EIF4G3: variants seen among roughly 807,000 people sequenced by gnomAD.
The protein encoded by EIF4G3 is eukaryotic translation initiation factor 4 gamma 3.
EIF4G3 carries 34 observed loss-of-function variants against 186.4 expected under a neutral mutation model. That is an observed-to-expected ratio of 0.18 (90% CI 0.14 to 0.24). The LOEUF is 0.24. Ranked by LOEUF, EIF4G3 falls within the 10% of genes least tolerant of loss-of-function variation. The pLI, the probability that EIF4G3 is intolerant of heterozygous loss-of-function variation, is 1.00. For synonymous variants in EIF4G3, 673 were observed against 679.5 expected, an observed-to-expected ratio of 0.99 and a Z score of 0.15; for missense variants, 1,536 against 1,948.5, an observed-to-expected ratio of 0.79 and a Z score of 3.99.
chr1:20,844,793 C>T (rs2070163856), intron 29 of EIF4G3, among the ~76,000 whole-genome samples: 1 of 152,082 alleles, frequency 6.6e-6, no homozygotes, highest in Admixed American at 6.5e-5. Flanking sequence ...GATTGCGCCA[C>T]TGCACTCCAG....
At chr1:21,165,703 TCAAA>T (rs1426559460) in intron 2 of EIF4G3, among the ~76,000 whole-genome samples, 2 of 151,728 alleles carry the variant, frequency 1.3e-5, no homozygotes, top group African/African-American at 4.8e-5. Flanking sequence ...TCATGGGGAG[TCAAA>T]CAGGTTCCTT....
chr1:20,922,328 G>T (rs755131985), intron 14 of EIF4G3, among the ~76,000 whole-genome samples: 10 of 151,680 alleles, frequency 6.6e-5, no homozygotes, highest in Non-Finnish European at 1.3e-4. Flanking sequence ...TTTTGAAAAG[G>T]AGTTTTGCTC....
At chr1:20,814,558 CTACT>C (rs2059970429) in intron 34 of EIF4G3, among the ~76,000 whole-genome samples, 1 of 152,192 alleles carries the variant, frequency 6.6e-6, no homozygotes, top group South Asian at 2.1e-4. Flanking sequence ...ATTTTAATGA[CTACT>C]TACTCAGAAG....
chr1:21,027,741 C>A (rs2092319679), intron 4 of EIF4G3, among the ~76,000 whole-genome samples: 1 of 152,062 alleles, frequency 6.6e-6, no homozygotes, highest in South Asian at 2.1e-4. Context: ...GGCATTTTCA[C>A]AAAAAATAGG....
chr1:21,063,427 GAC>G (rs2095037790), intron 3 of EIF4G3, among the ~76,000 whole-genome samples: 1 of 152,120 alleles, frequency 6.6e-6, no homozygotes, highest in Admixed American at 6.5e-5. Context: ...GAAACTATGT[GAC>G]AGTTGTTTGA....
At chr1:20,985,282 C>T (rs2079198389) in intron 7 of EIF4G3, among the ~76,000 whole-genome samples, 1 of 152,178 alleles carries the variant, frequency 6.6e-6, no homozygotes, top group Non-Finnish European at 1.5e-5. Context: ...CTTCTACCTA[C>T]ACAACTCCAA....
At chr1:20,976,026 T>G (rs1355530145) in intron 10 of EIF4G3, among the ~76,000 whole-genome samples, 6 of 152,068 alleles carry the variant, frequency 3.9e-5, no homozygotes, top group Middle Eastern at 3.2e-3. Context: ...CTGATCCCAG[T>G]TCTAAATCAG....
intron 2 of EIF4G3, among the ~76,000 whole-genome samples, chr1:21,119,334 AG>A (rs1420826215): frequency 6.6e-6 from 1 of 152,122 alleles, no homozygotes; most frequent in African/African-American, 2.4e-5. Context: ...GAAAAAAAAA[AG>A]ACTTGAGAAA....
chr1:20,843,500 C>T (rs1482236664), intron 29 of EIF4G3, among the ~76,000 whole-genome samples: 3 of 151,648 alleles, frequency 2.0e-5, no homozygotes, highest in Non-Finnish European at 4.4e-5. Flanking sequence ...CTGGGCGACA[C>T]GGTGAGACTC....
chr1:20,893,501 G>C lies in EIF4G3; in HGVS notation c.2253+16C>G. 4 of 1,583,066 alleles carry C rather than the reference G, an allele frequency of 2.5e-6. No individual in the cohort carries two copies. The highest frequency in any genetic ancestry group is 3.5e-6 in the Non-Finnish European group (4 of 1,157,422). On this transcript the variant is annotated intron_variant, in intron 18 of 36. Coordinates refer to ENST00000602326, the MANE Select transcript of EIF4G3 (RefSeq NM_001391906.1). The stretch of plus-strand genomic sequence containing the variant: ...CCAGTGTCTAACTAAGTGAGTTGTA[G>C]GGAACTTGCACTTACAGGTACGCCT...
chr1:20,836,102 T>C (rs922366253), intron 30 of EIF4G3, among the ~76,000 whole-genome samples: 2 of 152,154 alleles, frequency 1.3e-5, no homozygotes, highest in African/African-American at 4.8e-5. Flanking sequence ...CTACCTCAGC[T>C]TCCTGAGTAG....
chr1:20,974,097 A>C (rs971679974), intron 10 of EIF4G3, among the ~76,000 whole-genome samples: 5 of 152,190 alleles, frequency 3.3e-5, no homozygotes, highest in Non-Finnish European at 7.3e-5. Flanking sequence ...TTGGGGCAGA[A>C]AAATCAAGAG....
At chr1:20,856,352 T>A (rs1356519610) in intron 25 of EIF4G3, among the ~76,000 whole-genome samples, 1 of 152,258 alleles carries the variant, frequency 6.6e-6, no homozygotes, top group Non-Finnish European at 1.5e-5. Context: ...TAGTTTTGAT[T>A]GTCTTCAGTA....
intron 4 of EIF4G3, among the ~76,000 whole-genome samples, chr1:21,049,650 T>C (rs2094101804): frequency 6.6e-6 from 1 of 152,170 alleles, no homozygotes. Context: ...GTCTAAAATA[T>C]AATTAATCAG....
Position 20,923,526 on chromosome 1 carries a change from T to C in EIF4G3, c.1663+17965A>G, listed in dbSNP as rs72652969. Among the ~76,000 whole-genome samples the C allele has an allele frequency of 7.0e-3, 1,061 of 152,290 alleles. 4 individuals carry two copies. The highest frequency in any genetic ancestry group is 0.017 in the Middle Eastern group (5 of 294). ...AAAGTCAATCACTACAGCACAAATA[T>C]GTAATTTAATTAGGAAAGAGACTAT... On this transcript the variant is annotated intron_variant, in intron 14 of 36. Coordinates refer to ENST00000602326, the MANE Select transcript of EIF4G3 (RefSeq NM_001391906.1).
At chr1:21,139,589 T>C (rs1394920843) in intron 2 of EIF4G3, among the ~76,000 whole-genome samples, 2 of 152,252 alleles carry the variant, frequency 1.3e-5, no homozygotes, top group Non-Finnish European at 2.9e-5. Context: ...TTATATTATA[T>C]GCAAGACCTA....
In EIF4G3 at chr1:21,062,537, G is replaced by A. The variant is rs563220601; in HGVS notation, c.-195-11543C>T. Among the ~76,000 whole-genome samples, 6 of 152,238 alleles carry A rather than the reference G, an allele frequency of 3.9e-5. No individual in the cohort carries two copies. The East Asian group carries it at 5.8e-4, about 15-fold the overall frequency. ...AGGATTGATATGGATCTAGCACCACGGAGAAGACGTAAGCAGTAGATATAT... is the reference window on the plus strand; with the variant it reads ...AGGATTGATATGGATCTAGCACCACAGAGAAGACGTAAGCAGTAGATATAT... On this transcript the variant is annotated intron_variant, in intron 3 of 36. Transcript: ENST00000602326.
intron 2 of EIF4G3, among the ~76,000 whole-genome samples, chr1:21,089,596 G>A (rs1410001124): frequency 3.9e-5 from 6 of 152,112 alleles, no homozygotes; most frequent in African/African-American, 1.4e-4. Context: ...AACCCCAAGA[G>A]TTCAAGACAA....
intron 12 of EIF4G3, among the ~76,000 whole-genome samples, chr1:20,962,024 A>C (rs541482877): frequency 6.6e-6 from 1 of 152,330 alleles, no homozygotes; most frequent in Non-Finnish European, 1.5e-5. Context: ...ACTAGGTATC[A>C]CCTTCAAATT....
Sources: gnomAD v4.1 joint callset for allele counts (sites outside exome capture counted in the v4.1 genomes callset) on GRCh38, gnomAD v4.1.1 for gene constraint, MANE v1.5 for transcripts, NCBI Gene and HGNC (gene_info 2026-07-23, HGNC 2026-07-21) for gene names.